Variants in CEP192 observed in about 807,000 individuals in gnomAD.
CEP192 encodes centrosomal protein 192, also known as centrosomal protein of 192 kDa.
In CEP192, 151 loss-of-function variants were observed where a neutral mutation model predicts 271.8. The ratio of observed to expected loss-of-function variants is 0.56; its 90% confidence interval spans 0.49 to 0.64. The LOEUF (loss-of-function observed/expected upper bound fraction) is 0.64, where lower values mean the gene tolerates loss of function less well. Among genes scored for constraint, CEP192 ranks in the 30% least tolerant of loss-of-function variants. The probability of loss-of-function intolerance (pLI) is 0.00; values close to 1 mark genes in which losing one functional copy is unlikely to be tolerated. For missense variants in CEP192, 2,910 were observed against 3,020.5 expected (o/e 0.96, Z 0.86); for synonymous variants, 995 against 1,076.5 (o/e 0.92, Z 1.48).
chr18:13,013,902 T>C (rs2034499870), intron 5 of CEP192, among the ~76,000 whole-genome samples: 1 of 152,250 alleles, frequency 6.6e-6, no homozygotes, highest in African/African-American at 2.4e-5. Flanking sequence ...AAAGTAAAAG[T>C]TATTTCCCTG....
intron 11 of CEP192, 21 bp downstream of exon 11, chr18:13,030,629 T>C (rs1447890367): frequency 6.4e-7 from 1 of 1,556,600 alleles, no homozygotes; most frequent in East Asian, 2.3e-5. Context: ...GGATAAACAT[T>C]TATTATAACA....
chr18:13,015,174 T>C (rs2145930327), intron 5 of CEP192, among the ~76,000 whole-genome samples, 154 bp from the exon 6 acceptor site: 1 of 152,320 alleles, frequency 6.6e-6, no homozygotes, highest in Middle Eastern at 3.4e-3. Context: ...TATTAATACA[T>C]GTACAATTGC....
chr18:13,084,593 G>GC (rs2144660771), intron 30 of CEP192, among the ~76,000 whole-genome samples: 1 of 152,278 alleles, frequency 6.6e-6, no homozygotes, highest in African/African-American at 2.4e-5. Flanking sequence ...GTGAGGCAAT[G>GC]CCCCGCCCTG....
At chr18:13,006,984 GC>G (rs1484082845) in intron 3 of CEP192, among the ~76,000 whole-genome samples, 1 of 152,112 alleles carries the variant, frequency 6.6e-6, no homozygotes, top group African/African-American at 2.4e-5. Flanking sequence ...CATGCTTCAT[GC>G]CGGGCTTTCC....
chr18:13,099,932 T>C (rs1209634099), intron 37 of CEP192, among the ~76,000 whole-genome samples: 2 of 152,238 alleles, frequency 1.3e-5, no homozygotes, highest in Non-Finnish European at 2.9e-5. Context: ...TTTAGCATCC[T>C]TAGGGGATCC....
At chr18:12,998,265 A>G (rs1395522300) in intron 1 of CEP192, among the ~76,000 whole-genome samples, 1 of 152,076 alleles carries the variant, frequency 6.6e-6, no homozygotes, top group East Asian at 1.9e-4. Flanking sequence ...TTTCCAACAC[A>G]CCGTTTCAGA....
At position 13,058,939 on chromosome 18, in the gene CEP192, A is replaced by G. The variant is rs1039295817; in HGVS notation, c.4258-143A>G. 9.5e-6 allele frequency: 6 copies of G among 630,970 alleles called. No homozygotes were observed. In the African/African-American group the frequency reaches 1.1e-4, roughly 12 times the overall value. 39.1% of individuals were successfully genotyped at this position (630,970 alleles called of 1,614,324 possible). ...TTGTACTTCAGAGACCATAAATGAC[A>G]AGGTTTTGACATTTTTGAAGAGATA... On this transcript the variant is annotated intron_variant, in intron 20 of 44. Transcript: ENST00000506447.
In CEP192 at chr18:13,098,120, C is replaced by T. The variant is rs183631435; in HGVS notation, c.6558-1356C>T. On this transcript the variant is annotated intron_variant, in intron 36 of 44. Coordinates refer to ENST00000506447, the MANE Select transcript of CEP192 (RefSeq NM_032142.4). ...TTCCCCCTTTTCTATTCCACAAAAC[C>T]GCCATTGTCATCATAGCCCGTTCTC... 5.4e-3 allele frequency among the ~76,000 whole-genome samples: 816 copies of T among 152,352 alleles called. 9 individuals carry two copies. Among genetic ancestry groups the T allele is most frequent in the African/African-American group, 0.018 (731 of 41,584 alleles).
chr18:13,024,266 T>G (rs1195723514), intron 9 of CEP192: 52 of 454,614 alleles, frequency 1.1e-4, no homozygotes, highest in Admixed American at 1.7e-4. Context: ...CTGATAACTT[T>G]CCCTACTTTG....
At chr18:13,072,727 C>A (rs1448637687) in intron 28 of CEP192, 28 bp from the exon 29 acceptor site, 3 of 1,441,072 alleles carry the variant, frequency 2.1e-6, no homozygotes, top group South Asian at 1.1e-5. Flanking sequence ...GGAGAAAAAC[C>A]ATATTTAAAA....
At chr18:13,039,060 A>G (rs1380594823) in intron 13 of CEP192, among the ~76,000 whole-genome samples, 4 of 152,350 alleles carry the variant, frequency 2.6e-5, no homozygotes, top group Admixed American at 6.5e-5. Context: ...TCAGATAGTG[A>G]TAAGTCCTGT....
chr18:13,089,970 G>T (rs905333005), intron 33 of CEP192, among the ~76,000 whole-genome samples: 2 of 152,182 alleles, frequency 1.3e-5, no homozygotes, highest in African/African-American at 4.8e-5. Flanking sequence ...TCATTTTGAG[G>T]TTACTGTGCT....
intron 30 of CEP192, among the ~76,000 whole-genome samples, chr18:13,078,509 C>T (rs564069047): frequency 9.1e-4 from 139 of 152,186 alleles, no homozygotes; most frequent in Non-Finnish European, 1.7e-3. Context: ...AATCGCCACA[C>T]TGTCTTCCAC....
chr18:13,075,707 C>CT (rs1163004210), intron 30 of CEP192, among the ~76,000 whole-genome samples: 2 of 152,176 alleles, frequency 1.3e-5, no homozygotes, highest in Admixed American at 6.5e-5. Context: ...CACAAACAGA[C>CT]TAAGATGGTG....
At chr18:13,069,915 C>T (rs986752420) in intron 27 of CEP192, 59 bp downstream of exon 27, 2 of 1,014,590 alleles carry the variant, frequency 2.0e-6, no homozygotes, top group Non-Finnish European at 3.1e-6. Context: ...AATCCCAGCA[C>T]TTTGGGAGGC....
At chr18:13,046,624 G>C (rs2036495555) in intron 15 of CEP192, among the ~76,000 whole-genome samples, 1 of 151,818 alleles carries the variant, frequency 6.6e-6, no homozygotes, top group African/African-American at 2.4e-5. Context: ...CTGATGTTTA[G>C]TAAAAATTCT....
At chr18:13,019,548 C>T (rs1356911644) in intron 9 of CEP192, among the ~76,000 whole-genome samples, 1 of 151,934 alleles carries the variant, frequency 6.6e-6, no homozygotes, top group Admixed American at 6.6e-5. Context: ...TTAATAGTAC[C>T]CCGTTTCTCC....
intron 4 of CEP192, among the ~76,000 whole-genome samples, chr18:13,011,335 GAT>G (rs1599060170): frequency 1.3e-5 from 2 of 152,018 alleles, no homozygotes; most frequent in Non-Finnish European, 1.5e-5. Context: ...TCTTTGTGAG[GAT>G]ATGGAGAAAT....
At chr18:13,074,671 G>A (rs2038179999) in intron 30 of CEP192, among the ~76,000 whole-genome samples, 1 of 152,212 alleles carries the variant, frequency 6.6e-6, no homozygotes, top group Non-Finnish European at 1.5e-5. Context: ...TCTCACAGAG[G>A]TGGGCTGGAT....
Sources: gnomAD v4.1 joint callset for allele counts (sites outside exome capture counted in the v4.1 genomes callset) on GRCh38, gnomAD v4.1.1 for gene constraint, MANE v1.5 for transcripts, NCBI Gene and HGNC (gene_info 2026-07-23, HGNC 2026-07-21) for gene names.